Variants in MCPH1 observed in about 807,000 individuals in gnomAD.
MCPH1 encodes microcephalin.
MCPH1 carries 104 observed loss-of-function variants against 84.5 expected under a neutral mutation model. That is an observed-to-expected ratio of 1.23 (90% CI 1.05 to 1.45). MCPH1 has a LOEUF of 1.45. Among genes scored for constraint, MCPH1 ranks in the 40% most tolerant of loss-of-function variants. MCPH1 has a pLI of 0.00. For missense variants in MCPH1, 1,498 were observed against 1,005.7 expected, an observed-to-expected ratio of 1.49 and a Z score of -6.62; for synonymous variants, 514 against 366.8, an observed-to-expected ratio of 1.40 and a Z score of -4.58.
intron 13 of MCPH1, chr8:6,642,759 A>T: frequency 1.7e-6 from 1 of 574,256 alleles, no homozygotes; most frequent in East Asian, 3.1e-5. Context: ...ACATGTGGCT[A>T]CCAAGCACTT....
chr8:6,521,879 T>C (rs1425460714), intron 12 of MCPH1, among the ~76,000 whole-genome samples: 2 of 152,360 alleles, frequency 1.3e-5, no homozygotes, highest in South Asian at 2.1e-4. Context: ...TAGCACTTAA[T>C]GCTATGTGAG....
chr8:6,471,736 C>T (rs1014736021), intron 9 of MCPH1, among the ~76,000 whole-genome samples: 2 of 152,188 alleles, frequency 1.3e-5, no homozygotes, highest in African/African-American at 4.8e-5. Context: ...GGGGTCTCAG[C>T]ATTATTTAGA....
At chr8:6,419,675 G>A (rs1037852327) in intron 3 of MCPH1, among the ~76,000 whole-genome samples, 4 of 151,718 alleles carry the variant, frequency 2.6e-5, no homozygotes, top group African/African-American at 9.7e-5. Flanking sequence ...GTGCAACCCG[G>A]CATTAAAGAA....
chr8:6,537,585 T>G (rs1280364594), intron 12 of MCPH1, among the ~76,000 whole-genome samples: 3 of 151,670 alleles, frequency 2.0e-5, no homozygotes, highest in Non-Finnish European at 2.9e-5. Flanking sequence ...TATATATATT[T>G]TAGTGCAAAA....
Position 6,648,121 on chromosome 8 carries a change from C to G in MCPH1, c.*5072C>G, listed in dbSNP as rs543327216. ...AGGCCATGGTCTTTCTCTGCAGTCC[C>G]CAGCCAATACGTGGGCACAGAAAGG... On this transcript the variant is annotated 3_prime_UTR_variant, in exon 14 of 14. Coordinates refer to ENST00000344683, the MANE Select transcript of MCPH1 (RefSeq NM_024596.5). 3.9e-5 allele frequency: 6 copies of G among 152,316 alleles called. No individual in the cohort carries two copies. The highest frequency in any genetic ancestry group is 8.8e-5 in the Non-Finnish European group (6 of 68,054). 9.4% of individuals were successfully genotyped at this position (152,316 alleles called of 1,614,324 possible).
chr8:6,605,854 T>C lies in MCPH1; in HGVS notation c.2215-15600T>C, dbSNP rs531981600. 1.2e-4 allele frequency among the ~76,000 whole-genome samples: 19 copies of C among 152,318 alleles called. No individual in the cohort carries two copies. The South Asian group carries it at 1.7e-3, about 13-fold the overall frequency. The stretch of plus-strand genomic sequence containing the variant: ...CTGGGATTACAGGTGTTTGCCACCA[T>C]GCCCAACTAATTTTTGTATTTTTAG... On this transcript the variant is annotated intron_variant, in intron 12 of 13. Transcript: ENST00000344683.
chr8:6,472,109 C>A (rs940361109), intron 9 of MCPH1, among the ~76,000 whole-genome samples: 2 of 152,102 alleles, frequency 1.3e-5, no homozygotes, highest in Non-Finnish European at 2.9e-5. Context: ...GTGGATGTTG[C>A]ATCTAATTTA....
At position 6,470,411 on chromosome 8, in the gene MCPH1, G is replaced by A. The variant is rs982718526; in HGVS notation, c.1936-7183G>A. 4.6e-5 allele frequency among the ~76,000 whole-genome samples: 7 copies of A among 152,132 alleles called. No individual in the cohort carries two copies. The South Asian group carries it at 1.0e-3, about 22-fold the overall frequency. ...CGATTCTCCTACCTCAGCCTCCTGA[G>A]TAGCTGGGATTACAGGTTTCCTGCC... is the stretch of plus-strand genomic sequence containing the variant. On this transcript the variant is annotated intron_variant, in intron 9 of 13. Transcript: ENST00000344683.
chr8:6,483,499 C>A (rs890001215), intron 11 of MCPH1, among the ~76,000 whole-genome samples: 2 of 152,184 alleles, frequency 1.3e-5, no homozygotes, highest in Non-Finnish European at 2.9e-5. Context: ...CAGAAATAGA[C>A]CCCCAAAATA....
intron 12 of MCPH1, among the ~76,000 whole-genome samples, chr8:6,551,861 A>G (rs1412640551): frequency 6.6e-6 from 1 of 152,230 alleles, no homozygotes; most frequent in Admixed American, 6.5e-5. Context: ...TTACACCAAC[A>G]TTTCCCATTA....
chr8:6,488,468 G>C (rs748733587), intron 11 of MCPH1, among the ~76,000 whole-genome samples: 1 of 152,208 alleles, frequency 6.6e-6, no homozygotes. Context: ...GAAGACTGTG[G>C]AGTCACCCTG....
At chr8:6,424,611 C>T (rs1242923336) in intron 3 of MCPH1, among the ~76,000 whole-genome samples, 2 of 152,194 alleles carry the variant, frequency 1.3e-5, no homozygotes, top group African/African-American at 4.8e-5. Flanking sequence ...GTGATAGGAA[C>T]GTCCCTCAGT....
At chr8:6,415,240 C>G (rs976581366) in intron 3 of MCPH1, among the ~76,000 whole-genome samples, 2 of 151,534 alleles carry the variant, frequency 1.3e-5, no homozygotes, top group African/African-American at 4.9e-5. Flanking sequence ...AGGACTTTCT[C>G]ACAACTCTGG....
In MCPH1 at chr8:6,509,065, G is replaced by A. The variant is rs751246901; in HGVS notation, c.2214+9136G>A. ...CTGTAAGTCCTTTAAGGTGAATCCTGTAAGCGTGCAAAGAAAAAAAACACA... is the reference window on the plus strand; with the variant it reads ...CTGTAAGTCCTTTAAGGTGAATCCTATAAGCGTGCAAAGAAAAAAAACACA... On this transcript the variant is annotated intron_variant, in intron 12 of 13. Transcript: ENST00000344683. 14 of 1,612,562 alleles carry A rather than the reference G, an allele frequency of 8.7e-6. 1 individual carries two copies. The East Asian group carries it at 1.3e-4, about 15-fold the overall frequency.
intron 12 of MCPH1, among the ~76,000 whole-genome samples, chr8:6,520,152 G>A (rs867286365): frequency 6.6e-6 from 1 of 152,078 alleles, no homozygotes; most frequent in South Asian, 2.1e-4. Context: ...TTTCCTTTCA[G>A]CCTGTTTTCT....
chr8:6,631,789 A>G (rs533107254), intron 13 of MCPH1, among the ~76,000 whole-genome samples: 15 of 152,362 alleles, frequency 9.8e-5, no homozygotes, highest in African/African-American at 3.4e-4. Flanking sequence ...AGTTCATCAA[A>G]AAATGAAAAG....
chr8:6,487,913 T>C (rs991931593), intron 11 of MCPH1, among the ~76,000 whole-genome samples: 1 of 152,206 alleles, frequency 6.6e-6, no homozygotes, highest in Non-Finnish European at 1.5e-5. Context: ...TGGGCAAAAA[T>C]AGCTTGTCTG....
chr8:6,545,505 T>C (rs1236078149), intron 12 of MCPH1, among the ~76,000 whole-genome samples: 1 of 152,228 alleles, frequency 6.6e-6, no homozygotes, highest in Non-Finnish European at 1.5e-5. Flanking sequence ...GAAATGAACT[T>C]TGGAAAAGTA....
At chr8:6,466,851 C>T (rs1312163536) in intron 9 of MCPH1, among the ~76,000 whole-genome samples, 1 of 152,218 alleles carries the variant, frequency 6.6e-6, no homozygotes, top group East Asian at 1.9e-4. Flanking sequence ...GCTGGGATTA[C>T]AGGGTTGAGC....
Sources: allele counts gnomAD v4.1 joint callset (sites outside exome capture counted in the v4.1 genomes callset), GRCh38; gene constraint gnomAD v4.1.1; transcripts MANE v1.5; gene names NCBI Gene and HGNC (gene_info 2026-07-23, HGNC 2026-07-21).